EML1: variants seen among roughly 807,000 people sequenced by gnomAD.
EML1 encodes the protein EMAP like 1.
A neutral mutation model predicts 110.4 loss-of-function variants in EML1; 27 were observed. The ratio of observed to expected loss-of-function variants is 0.24; its 90% CI spans 0.18 to 0.34. EML1 has a LOEUF of 0.34. EML1 is among the 10% of genes least tolerant of loss of function. EML1 has a pLI of 1.00. For missense variants in EML1, 741 were observed against 1,030.9 expected (o/e 0.72, Z 3.85); for synonymous variants, 344 against 385.8 (o/e 0.89, Z 1.27).
chr14:99,907,557 G>T (rs2140039378), intron 9 of EML1, 81 bp from the exon 10 acceptor site: 2 of 1,243,350 alleles, frequency 1.6e-6, no homozygotes, highest in Admixed American at 2.0e-5. Context: ...TATTAAAAAT[G>T]AAATTTGATG....
At chr14:99,770,778 G>GCTTTTTTTTTTTTT (rs1198007774), upstream of EML1, among the ~76,000 whole-genome samples, 1 of 79,544 alleles carries the variant, frequency 1.3e-5, no homozygotes, top group African/African-American at 4.4e-5. Flanking sequence ...AGTTTCCGCT[G>GCTTTTTTTTTTTTT]ATTTTTTTTT....
intron 17 of EML1, among the ~76,000 whole-genome samples, chr14:99,932,413 GGATT>G (rs1435656934): frequency 6.6e-6 from 1 of 150,572 alleles, no homozygotes; most frequent in Non-Finnish European, 1.5e-5. Flanking sequence ...CGAGGCAAGT[GGATT>G]ACCTGAGGTC....
chr14:99,885,819 T>C, intron 4 of EML1: 1 of 440,744 alleles, frequency 2.3e-6, no homozygotes, highest in South Asian at 1.6e-5. Context: ...TAACATATCT[T>C]ATTTAATCGT....
At chr14:99,937,726 C>A (rs556550419) in intron 19 of EML1, 91 bp from the exon 20 acceptor site, 2 of 1,188,266 alleles carry the variant, frequency 1.7e-6, no homozygotes, top group Non-Finnish European at 2.5e-6. Flanking sequence ...GGGCTCTGTA[C>A]CCAACGGGGC....
chr14:99,887,866 GTGTT>G (rs2059509505), intron 4 of EML1, among the ~76,000 whole-genome samples: 1 of 152,160 alleles, frequency 6.6e-6, no homozygotes, highest in Non-Finnish European at 1.5e-5. Context: ...GCACATCTGT[GTGTT>G]TGCCTTTCTA....
rs763036673 is a variant in EML1, at chr14:99,784,705, C to G, written c.-27+10692C>G. 2.0e-5 allele frequency among the ~76,000 whole-genome samples: 3 copies of G among 152,258 alleles called. No individual in the cohort carries two copies. The highest frequency in any genetic ancestry group is 1.9e-4 in the East Asian group (1 of 5,200). ...TGTTTCTCGGCCAGTGCCTCTCCCCCATTCCAGCCCATCCAGGCCGGATGA... is the reference window on the plus strand; with the variant it reads ...TGTTTCTCGGCCAGTGCCTCTCCCCGATTCCAGCCCATCCAGGCCGGATGA... On this transcript the variant is annotated intron_variant, in intron 1 of 22. Transcript: ENST00000327921. The surrounding 1 kb of genome is among the most constrained non-coding windows in gnomAD (Gnocchi z 4.5).
At chr14:99,842,761 A>G in intron 1 of EML1, among the ~76,000 whole-genome samples, 1 of 152,198 alleles carries the variant, frequency 6.6e-6, no homozygotes, top group Non-Finnish European at 1.5e-5. Flanking sequence ...TGCAGGGAGC[A>G]GGCCAGTCTT....
chr14:99,846,016 C>G (rs2058701344), intron 1 of EML1, among the ~76,000 whole-genome samples: 1 of 146,984 alleles, frequency 6.8e-6, no homozygotes, highest in Admixed American at 6.9e-5. Flanking sequence ...CGCCACTGCA[C>G]TCCAGCCTGG....
chr14:99,939,394 G>A lies in EML1; in HGVS notation c.2322+67G>A. On this transcript the variant is annotated intron_variant, in intron 21 of 21. Coordinates refer to ENST00000262233, the MANE Select transcript of EML1 (RefSeq NM_004434.3). The surrounding 1 kb of genome is among the most constrained non-coding windows in gnomAD (Gnocchi z 4.2). ...CATGCACGTACACCCGACCTGTTTG[G>A]AGACTAAGTGGAAATGGGCTGTGAG... 6.3e-7 allele frequency: 1 copy of A among 1,590,418 alleles called. No homozygotes were observed. Among genetic ancestry groups the A allele is most frequent in the Non-Finnish European group, 8.6e-7 (1 of 1,165,980 alleles).
intron 1 of EML1, among the ~76,000 whole-genome samples, chr14:99,833,086 A>T (rs1159504774): frequency 6.6e-6 from 1 of 152,184 alleles, no homozygotes; most frequent in Non-Finnish European, 1.5e-5. Flanking sequence ...TGCCTAACCA[A>T]GGTTATAAAG....
intron 3 of EML1, among the ~76,000 whole-genome samples, chr14:99,876,775 C>T (rs2059299629): frequency 6.6e-6 from 1 of 152,206 alleles, no homozygotes; most frequent in Non-Finnish European, 1.5e-5. Flanking sequence ...CTCCCCTCCT[C>T]CTTTTTTGCT....
At chr14:99,763,133 C>G (rs891485845) in intron 1 of EML1, among the ~76,000 whole-genome samples, 1 of 152,168 alleles carries the variant, frequency 6.6e-6, no homozygotes, top group Non-Finnish European at 1.5e-5. Context: ...TTGCCTGCCG[C>G]CATCTATGTA....
intron 1 of EML1, among the ~76,000 whole-genome samples, chr14:99,745,135 G>A (rs528573480): frequency 8.4e-4 from 127 of 151,992 alleles, no homozygotes; most frequent in African/African-American, 2.7e-3. Flanking sequence ...GGCACATCTC[G>A]GCTCACTGCA....
Position 99,935,600 on chromosome 14 carries a change from G to A in EML1, c.1910-429G>A, listed in dbSNP as rs181330535. Among the ~76,000 whole-genome samples, 315 of 152,148 alleles carry A rather than the reference G, an allele frequency of 2.1e-3. 2 individuals carry two copies. Among genetic ancestry groups the A allele is most frequent in the African/African-American group, 7.1e-3 (293 of 41,516 alleles). On this transcript the variant is annotated intron_variant, in intron 17 of 21. Coordinates refer to ENST00000262233, the MANE Select transcript of EML1 (RefSeq NM_004434.3). ...AGATCGAGACCATCCTGGCTAACAC[G>A]TTGAAACCTCGTCTCTACCGAAAAT...
rs369022354 is a variant in EML1 at position 99,776,873 on chromosome 14, A to G, written c.-27+2860A>G. 9.2e-5 allele frequency among the ~76,000 whole-genome samples: 14 copies of G among 152,234 alleles called. No individual in the cohort carries two copies. The East Asian group carries it at 1.7e-3, about 19-fold the overall frequency. ...GCAGGATTTTTTTCCTGATGGATTT[A>G]TCATAGGAAAACTTTAAATCATGAG... On this transcript the variant is annotated intron_variant, in intron 1 of 22. Transcript: ENST00000327921.
intron 1 of EML1, among the ~76,000 whole-genome samples, chr14:99,821,143 C>T (rs982301112): frequency 5.3e-5 from 8 of 151,748 alleles, no homozygotes; most frequent in Non-Finnish European, 7.4e-5. Context: ...CTGCCTGAGC[C>T]GCCCAAGTGG....
At chr14:99,876,520 C>T (rs976761359) in intron 3 of EML1, among the ~76,000 whole-genome samples, 1 of 152,148 alleles carries the variant, frequency 6.6e-6, no homozygotes, top group Non-Finnish European at 1.5e-5. Flanking sequence ...CTTCTCAGCC[C>T]ACGTCTTTAA....
At chr14:99,812,574 A>G (rs1471653728) in intron 1 of EML1, among the ~76,000 whole-genome samples, 4 of 148,740 alleles carry the variant, frequency 2.7e-5, no homozygotes, top group African/African-American at 9.7e-5. Context: ...CCCTCCCTGT[A>G]CAATCGGCTC....
intron 17 of EML1, among the ~76,000 whole-genome samples, chr14:99,921,716 A>G (rs1238886369): frequency 6.6e-6 from 1 of 152,128 alleles, no homozygotes; most frequent in Non-Finnish European, 1.5e-5. Flanking sequence ...ATATATCCCA[A>G]AAAGATGAGG....
Sources: allele counts gnomAD v4.1 joint callset (sites outside exome capture counted in the v4.1 genomes callset), GRCh38; gene constraint gnomAD v4.1.1; non-coding constraint Gnocchi (gnomAD v3.1); transcripts MANE v1.5; gene names NCBI Gene and HGNC (gene_info 2026-07-23, HGNC 2026-07-21).